The following STRBP variants were observed in gnomAD, a reference collection of about 807,000 sequenced individuals.
The protein encoded by STRBP is spermatid perinuclear RNA binding protein.
A neutral mutation model predicts 80.1 loss-of-function variants in STRBP; 13 were observed. That is an observed-to-expected ratio of 0.16 (90% CI 0.11 to 0.26). The LOEUF (loss-of-function observed/expected upper bound fraction) is 0.26, where lower values mean the gene tolerates loss of function less well. Among genes scored for constraint, STRBP ranks in the 10% least tolerant of loss-of-function variants. The pLI is 1.00. For missense variants in STRBP, 485 were observed against 815.2 expected, an observed-to-expected ratio of 0.59 and a Z score of 4.93; for synonymous variants, 284 against 291.2, an observed-to-expected ratio of 0.98 and a Z score of 0.25.
chr9:123,127,128 G>A (rs1294747110), intron 18 of STRBP, among the ~76,000 whole-genome samples: 1 of 152,138 alleles, frequency 6.6e-6, no homozygotes, highest in East Asian at 1.9e-4. Flanking sequence ...CATCTTTCTA[G>A]GATATAAACT....
chr9:123,262,905 C>A (rs1379025559), intron 1 of STRBP, among the ~76,000 whole-genome samples: 1 of 152,204 alleles, frequency 6.6e-6, no homozygotes, highest in Admixed American at 6.5e-5. Flanking sequence ...AACTTTCAGG[C>A]TCAAATCACC....
At chr9:123,248,928 A>G (rs928858149) in intron 1 of STRBP, among the ~76,000 whole-genome samples, 11 of 152,256 alleles carry the variant, frequency 7.2e-5, no homozygotes, top group African/African-American at 2.4e-4. Flanking sequence ...AGCAGTACCT[A>G]ATACACTGCT....
intron 1 of STRBP, among the ~76,000 whole-genome samples, chr9:123,266,858 CTTCT>C (rs1256227049): frequency 2.6e-5 from 4 of 151,930 alleles, no homozygotes; most frequent in Non-Finnish European, 5.9e-5. Flanking sequence ...GTCTACCTTC[CTTCT>C]TTCTCCCTAC....
At chr9:123,216,604 A>C (rs1351388956) in intron 2 of STRBP, among the ~76,000 whole-genome samples, 1 of 152,182 alleles carries the variant, frequency 6.6e-6, no homozygotes, top group East Asian at 1.9e-4. Context: ...AGCTTATCAG[A>C]GTGTACTTGA....
At chr9:123,148,949 A>AC (rs2036939228) in intron 11 of STRBP, among the ~76,000 whole-genome samples, 1 of 152,206 alleles carries the variant, frequency 6.6e-6, no homozygotes, top group South Asian at 2.1e-4. Flanking sequence ...TAAAGAAGCC[A>AC]CCAATTTATA....
chr9:123,112,436 C>T (rs1007630749), intron 3 of STRBP: 1 of 167,330 alleles, frequency 6.0e-6, no homozygotes, highest in Non-Finnish European at 1.5e-5. Flanking sequence ...GTGCTCCTAT[C>T]AACGCACGGC....
chr9:123,167,000 AT>A (rs2037794488), intron 6 of STRBP, among the ~76,000 whole-genome samples: 1 of 152,226 alleles, frequency 6.6e-6, no homozygotes, highest in Non-Finnish European at 1.5e-5. Flanking sequence ...TATTATGGCA[AT>A]TTAAAATGTA....
intron 3 of STRBP, chr9:123,111,981 C>T (rs930846147): frequency 2.2e-5 from 4 of 179,946 alleles, no homozygotes; most frequent in South Asian, 1.4e-4. Context: ...ACAACTTCAC[C>T]GAGAGGAAGC....
chr9:123,125,326 T>G lies in STRBP; in HGVS notation c.*271A>C. ...GTCTCTTAAAACTTAAACTTTGAAC[T>G]GCTAGACTTTTATTTCCCTAGAACA... On this transcript the variant is annotated 3_prime_UTR_variant, in exon 19 of 19. Transcript: ENST00000348403. The G allele has an allele frequency of 8.9e-7, 1 of 1,127,578 alleles. No homozygotes were observed. Among genetic ancestry groups the G allele is most frequent in the Non-Finnish European group, 1.1e-6 (1 of 921,980 alleles). 69.8% of individuals were successfully genotyped at this position (1,127,578 alleles called of 1,614,324 possible). A position where few individuals can be genotyped will look rare whatever the true frequency, so the allele number is the denominator to read the frequency against.
At chr9:123,215,038 G>A (rs537029124) in intron 2 of STRBP, among the ~76,000 whole-genome samples, 67 of 152,088 alleles carry the variant, frequency 4.4e-4, no homozygotes, top group Admixed American at 1.3e-3. Flanking sequence ...AGTCAGTGGA[G>A]GTGCCTGATG....
intron 13 of STRBP, among the ~76,000 whole-genome samples, chr9:123,140,583 G>A (rs1397208969): frequency 1.3e-5 from 2 of 151,948 alleles, no homozygotes; most frequent in African/African-American, 4.8e-5. Flanking sequence ...AACAGAGCAA[G>A]ACTCTGTCTC....
At chr9:123,140,978 A>C (rs16926197) in intron 13 of STRBP, among the ~76,000 whole-genome samples, 2,814 of 152,270 alleles carry the variant, frequency 0.018, 70 homozygotes, top group South Asian at 0.13. Context: ...CTTTGTCACT[A>C]ATTAGAGGTT....
At chr9:123,156,998 A>G (rs1476352049) in intron 11 of STRBP, among the ~76,000 whole-genome samples, 1 of 152,182 alleles carries the variant, frequency 6.6e-6, no homozygotes, top group African/African-American at 2.4e-5. Context: ...ATTCTAGGCA[A>G]CAAGTCAGGC....
intron 3 of STRBP, among the ~76,000 whole-genome samples, chr9:123,180,189 G>A (rs1371784823): frequency 6.6e-6 from 1 of 152,082 alleles, no homozygotes; most frequent in Non-Finnish European, 1.5e-5. Flanking sequence ...CCAGGAGTTC[G>A]AGGTTAAGTG....
chr9:123,242,979 C>T (rs1297809540), intron 1 of STRBP, among the ~76,000 whole-genome samples: 1 of 151,904 alleles, frequency 6.6e-6, no homozygotes, highest in Non-Finnish European at 1.5e-5. Flanking sequence ...TATTCTAAAA[C>T]TTACATGGAA....
intron 2 of STRBP, among the ~76,000 whole-genome samples, chr9:123,208,489 C>G (rs959692604): frequency 6.6e-6 from 1 of 152,204 alleles, no homozygotes; most frequent in Non-Finnish European, 1.5e-5. Context: ...AGTCAGCAAA[C>G]TTTTTCTTAA....
chr9:123,201,939 G>C (rs143532589), intron 2 of STRBP, among the ~76,000 whole-genome samples: 401 of 152,248 alleles, frequency 2.6e-3, no homozygotes, highest in African/African-American at 8.5e-3. Flanking sequence ...TGTTAGGTGC[G>C]TATAACTTTA....
intron 1 of STRBP, among the ~76,000 whole-genome samples, chr9:123,245,387 T>G (rs1337672385): frequency 6.6e-6 from 1 of 152,136 alleles, no homozygotes; most frequent in Non-Finnish European, 1.5e-5. Context: ...TTTTTTGTTG[T>G]TTTTGTTTGT....
intron 2 of STRBP, among the ~76,000 whole-genome samples, chr9:123,197,210 TAGAG>T (rs1564288910): frequency 2.0e-5 from 3 of 151,810 alleles, no homozygotes; most frequent in African/African-American, 2.4e-5. Context: ...CTCAAAGAAA[TAGAG>T]AGCAGAATGA....
Sources: gnomAD v4.1 joint callset for allele counts (sites outside exome capture counted in the v4.1 genomes callset) on GRCh38, gnomAD v4.1.1 for gene constraint, MANE v1.5 for transcripts, NCBI Gene and HGNC (gene_info 2026-07-23, HGNC 2026-07-21) for gene names.